The following TNRC6A variants were observed in gnomAD, a reference collection of about 807,000 sequenced individuals.
TNRC6A encodes the protein trinucleotide repeat-containing gene 6A protein.
In TNRC6A, 44 loss-of-function variants were observed where a neutral mutation model predicts 221.2. The ratio of observed to expected loss-of-function variants is 0.20; its 90% CI spans 0.16 to 0.26. The LOEUF is 0.26. TNRC6A is among the 10% of genes least tolerant of loss of function. The pLI is 1.00. For missense variants in TNRC6A, 2,199 were observed against 2,404.4 expected, an observed-to-expected ratio of 0.91 and a Z score of 1.79; for synonymous variants, 847 against 838.5, an observed-to-expected ratio of 1.01 and a Z score of -0.18.
chr16:24,771,595 TTA>T (rs1491060514), intron 4 of TNRC6A, among the ~76,000 whole-genome samples: 7 of 150,144 alleles, frequency 4.7e-5, no homozygotes, highest in Non-Finnish European at 8.9e-5. Flanking sequence ...TTATGTTATG[TTA>T]TGTTATGTTA....
chr16:24,707,337 G>A (rs1249207450), intron 2 of TNRC6A, among the ~76,000 whole-genome samples: 1 of 118,212 alleles, frequency 8.5e-6, no homozygotes, highest in African/African-American at 3.7e-5. Context: ...CAGGATGAAA[G>A]GGGAACATGG....
intron 1 of TNRC6A, among the ~76,000 whole-genome samples, chr16:24,616,807 G>T (rs1373750716): frequency 6.6e-6 from 1 of 152,076 alleles, no homozygotes; most frequent in Non-Finnish European, 1.5e-5. Context: ...GGTAGTGCAT[G>T]CTACTCAGGA....
chr16:24,741,445 T>C (rs567658048), intron 2 of TNRC6A, among the ~76,000 whole-genome samples: 1 of 152,370 alleles, frequency 6.6e-6, no homozygotes, highest in Non-Finnish European at 1.5e-5. Context: ...TTGATTTTCA[T>C]GTTAAACCAC....
At chr16:24,697,635 A>AGATT (rs2055888221) in intron 2 of TNRC6A, among the ~76,000 whole-genome samples, 1 of 152,178 alleles carries the variant, frequency 6.6e-6, no homozygotes, top group Non-Finnish European at 1.5e-5. Context: ...CAGTGAGCCA[A>AGATT]GATTGCACCA....
At chr16:24,685,118 C>T (rs2055601203) in intron 2 of TNRC6A, among the ~76,000 whole-genome samples, 1 of 152,112 alleles carries the variant, frequency 6.6e-6, no homozygotes. Context: ...CTGGAAGCAC[C>T]TGCCCATCCA....
At chr16:24,703,031 T>G (rs2056019936) in intron 2 of TNRC6A, among the ~76,000 whole-genome samples, 1 of 138,924 alleles carries the variant, frequency 7.2e-6, no homozygotes, top group East Asian at 2.0e-4. Context: ...CGAGACTCTG[T>G]GTCAAAAATA....
chr16:24,793,430 T>C, intron 6 of TNRC6A, 43 bp from the exon 7 acceptor site: 1 of 1,341,734 alleles, frequency 7.5e-7, no homozygotes, highest in South Asian at 2.6e-5. Flanking sequence ...CTGCACCTCC[T>C]TACCTTCTAT....
In TNRC6A at chr16:24,614,810, C is replaced by T. The variant is rs553329647; in HGVS notation, n.276+4326C>T. Among the ~76,000 whole-genome samples the T allele has an allele frequency of 5.3e-5, 8 of 152,366 alleles. No homozygotes were observed. The East Asian group carries it at 1.5e-3, about 29-fold the overall frequency. ...AGTGGACCAGCACGGTGGCTTACGC[C>T]TGTAATCCCAGCACTTTGGGAGAAC... On this transcript the variant is annotated intron_variant and non_coding_transcript_variant, in intron 1 of 2. Transcript: ENST00000566108.
chr16:24,661,248 T>G (rs1349831899), intron 2 of TNRC6A, among the ~76,000 whole-genome samples: 1 of 147,864 alleles, frequency 6.8e-6, no homozygotes, highest in African/African-American at 2.5e-5. Flanking sequence ...CTTCCCCTTC[T>G]GAGTCTCTCA....
At chr16:24,794,832 C>A in intron 8 of TNRC6A, 113 bp downstream of exon 8, 1 of 1,007,350 alleles carries the variant, frequency 9.9e-7, no homozygotes, top group Non-Finnish European at 1.4e-6. Flanking sequence ...TCCAGGCAGC[C>A]CCCACCTTAG....
At chr16:24,675,531 A>T (rs2055391305) in intron 2 of TNRC6A, among the ~76,000 whole-genome samples, 1 of 151,538 alleles carries the variant, frequency 6.6e-6, no homozygotes, top group Admixed American at 6.6e-5. Context: ...AATACAAAAA[A>T]TTAGCTGGGC....
intron 2 of TNRC6A, among the ~76,000 whole-genome samples, chr16:24,709,824 CA>C (rs60844823): frequency 0.012 from 1,214 of 103,676 alleles, 9 homozygotes; most frequent in Non-Finnish European, 0.015. Flanking sequence ...GACCCTGTCT[CA>C]AAAAAAAAAA....
intron 1 of TNRC6A, among the ~76,000 whole-genome samples, chr16:24,613,016 G>A (rs72785741): frequency 0.14 from 20,946 of 150,642 alleles, 1,579 homozygotes; most frequent in Non-Finnish European, 0.16. Flanking sequence ...AGAGACTGAG[G>A]CAGGAGAATT....
At position 24,822,867 on chromosome 16, in the gene TNRC6A, T is replaced by G. The variant is rs1278012295; in HGVS notation, c.5374-7T>G. ...CTCTCACTGGCAGTTTCCACACTGTTTCCTAGATCGATGGCTCAACTCTGC... is the reference window on the plus strand; with the variant it reads ...CTCTCACTGGCAGTTTCCACACTGTGTCCTAGATCGATGGCTCAACTCTGC... On this transcript the variant is annotated splice_polypyrimidine_tract_variant and splice_region_variant and intron_variant, in intron 23 of 24. Coordinates refer to ENST00000395799, the MANE Select transcript of TNRC6A (RefSeq NM_014494.4). 1 of 1,613,018 alleles carries G rather than the reference T, an allele frequency of 6.2e-7. No individual in the cohort carries two copies. Among genetic ancestry groups the G allele is most frequent in the Non-Finnish European group, 8.5e-7 (1 of 1,179,904 alleles).
intron 2 of TNRC6A, among the ~76,000 whole-genome samples, chr16:24,677,207 G>C (rs907775454): frequency 6.8e-6 from 1 of 147,464 alleles, no homozygotes; most frequent in Non-Finnish European, 1.5e-5. Context: ...CTGTTGCCCA[G>C]GCTGGAATGC....
chr16:24,758,271 TA>T, intron 3 of TNRC6A, 67 bp from the exon 4 acceptor site: 1 of 1,480,764 alleles, frequency 6.8e-7, no homozygotes, highest in Non-Finnish European at 9.4e-7. Context: ...ATGAACATTT[TA>T]TCATAACAGT....
intron 2 of TNRC6A, among the ~76,000 whole-genome samples, chr16:24,656,408 A>G (rs1359609637): frequency 6.7e-6 from 1 of 148,938 alleles, no homozygotes. Context: ...CGGAGGTTGC[A>G]GTGAGCCAAG....
chr16:24,704,775 T>C (rs1383690280), intron 2 of TNRC6A, among the ~76,000 whole-genome samples: 2 of 151,746 alleles, frequency 1.3e-5, no homozygotes, highest in Non-Finnish European at 2.9e-5. Context: ...ATCCCCCAGC[T>C]GTGCACTTTT....
At chr16:24,784,058 G>C (rs1422084373) in intron 5 of TNRC6A, among the ~76,000 whole-genome samples, 1 of 152,170 alleles carries the variant, frequency 6.6e-6, no homozygotes, top group East Asian at 1.9e-4. Context: ...CTGGAGTGCA[G>C]TGGTGCGATC....
Sources: allele counts gnomAD v4.1 joint callset (sites outside exome capture counted in the v4.1 genomes callset), GRCh38; gene constraint gnomAD v4.1.1; transcripts MANE v1.5; gene names NCBI Gene and HGNC (gene_info 2026-07-23, HGNC 2026-07-21).